The following KATNIP variants were observed in gnomAD, a reference collection of about 807,000 sequenced individuals.
KATNIP encodes katanin-interacting protein.
In KATNIP, 126 loss-of-function variants were observed where a neutral mutation model predicts 174.0. The ratio of observed to expected loss-of-function variants is 0.72; its 90% CI spans 0.63 to 0.84. KATNIP has a LOEUF of 0.84. Ranked by LOEUF, KATNIP falls within the 40% of genes least tolerant of loss-of-function variation. The pLI, the probability that KATNIP is intolerant of heterozygous loss-of-function variation, is 0.00. For missense variants in KATNIP, 1,958 were observed against 2,109.7 expected, an observed-to-expected ratio of 0.93 and a Z score of 1.41; for synonymous variants, 810 against 835.7, an observed-to-expected ratio of 0.97 and a Z score of 0.53.
chr16:27,769,804 C>T, intron 20 of KATNIP, 57 bp from the exon 21 acceptor site: 1 of 1,594,936 alleles, frequency 6.3e-7, no homozygotes, highest in Non-Finnish European at 8.6e-7. Context: ...GTCAGCACCG[C>T]TTCTGTCCCC....
At chr16:27,590,325 T>C (rs2141854162) in intron 2 of KATNIP, among the ~76,000 whole-genome samples, 1 of 151,888 alleles carries the variant, frequency 6.6e-6, no homozygotes, top group South Asian at 2.1e-4. Context: ...CTATTTTCTT[T>C]TTCTTTCTTT....
chr16:27,666,304 C>A (rs920085093), intron 6 of KATNIP, among the ~76,000 whole-genome samples: 7 of 152,186 alleles, frequency 4.6e-5, no homozygotes, highest in African/African-American at 1.7e-4. Context: ...TGTCAGAAAA[C>A]TAAAGATATT....
chr16:27,741,060 T>C (rs1324258641), intron 15 of KATNIP, 140 bp downstream of exon 15: 3 of 865,384 alleles, frequency 3.5e-6, no homozygotes, highest in East Asian at 5.3e-5. Flanking sequence ...ACAAAATCAC[T>C]GTCTCAGGGG....
At chr16:27,737,478 G>A (rs1030791326) in intron 14 of KATNIP, among the ~76,000 whole-genome samples, 1 of 152,190 alleles carries the variant, frequency 6.6e-6, no homozygotes, top group Non-Finnish European at 1.5e-5. Context: ...TTGGGGCTTG[G>A]TGGAGAGGTC....
intron 5 of KATNIP, among the ~76,000 whole-genome samples, chr16:27,639,505 C>T (rs753995648): frequency 2.0e-5 from 3 of 152,182 alleles, no homozygotes; most frequent in East Asian, 1.9e-4. Flanking sequence ...TGAACGTCAT[C>T]GGCTCTTAGC....
Position 27,717,133 on chromosome 16 carries a change from C to T in KATNIP, c.1606-4425C>T, listed in dbSNP as rs183944748. Among the ~76,000 whole-genome samples, 646 of 152,258 alleles carry T rather than the reference C, an allele frequency of 4.2e-3. 13 individuals carry two copies. Among genetic ancestry groups the T allele is most frequent in the Admixed American group, 0.039 (595 of 15,292 alleles). ...CTGGGATTACAGGTGTGAGCCACTG[C>T]GCCCAGCCAATTTATGTAGCATTTA... On this transcript the variant is annotated intron_variant, in intron 13 of 27. Transcript: ENST00000261588.
chr16:27,677,215 A>G (rs1244197337), intron 6 of KATNIP, among the ~76,000 whole-genome samples: 2 of 152,206 alleles, frequency 1.3e-5, no homozygotes, highest in Non-Finnish European at 2.9e-5. Context: ...GTCAGCCCCT[A>G]ACAACTACCT....
At chr16:27,558,231 T>C (rs1424978693) in intron 1 of KATNIP, among the ~76,000 whole-genome samples, 1 of 152,178 alleles carries the variant, frequency 6.6e-6, no homozygotes, top group African/African-American at 2.4e-5. Flanking sequence ...CTACAGCCTC[T>C]GCCTCCTGGG....
chr16:27,555,722 G>A (rs1357230862), intron 1 of KATNIP, among the ~76,000 whole-genome samples: 1 of 152,114 alleles, frequency 6.6e-6, no homozygotes, highest in East Asian at 1.9e-4. Context: ...TGTAATCCCA[G>A]CCACTTGGGG....
At chr16:27,711,920 T>C (rs988113162) in intron 13 of KATNIP, among the ~76,000 whole-genome samples, 1 of 152,136 alleles carries the variant, frequency 6.6e-6, no homozygotes, top group Non-Finnish European at 1.5e-5. Flanking sequence ...ATCCCTGCTT[T>C]GCCTCCAGAT....
intron 2 of KATNIP, among the ~76,000 whole-genome samples, chr16:27,605,859 G>A (rs1331297330): frequency 1.3e-5 from 2 of 152,268 alleles, no homozygotes; most frequent in South Asian, 4.1e-4. Flanking sequence ...GTCAGGTGCG[G>A]TGGCTCAGGC....
intron 2 of KATNIP, among the ~76,000 whole-genome samples, chr16:27,588,377 CA>C (rs1249466772): frequency 6.6e-6 from 1 of 151,956 alleles, no homozygotes; most frequent in East Asian, 1.9e-4. Flanking sequence ...ATCAGTTATT[CA>C]CATCAAATGT....
At chr16:27,652,592 C>T (rs1257397005) in intron 6 of KATNIP, among the ~76,000 whole-genome samples, 4 of 151,976 alleles carry the variant, frequency 2.6e-5, no homozygotes, top group Admixed American at 6.6e-5. Flanking sequence ...GGTGAAGGGT[C>T]GCTTAAGATC....
intron 8 of KATNIP, among the ~76,000 whole-genome samples, chr16:27,694,791 C>CAATA (rs57439444): frequency 0.33 from 48,492 of 148,632 alleles, 9,198 homozygotes; most frequent in East Asian, 0.63. Flanking sequence ...GACCCTACCA[C>CAATA]AATAAATAAA....
At chr16:27,674,211 G>A (rs1202446014) in intron 6 of KATNIP, among the ~76,000 whole-genome samples, 1 of 152,204 alleles carries the variant, frequency 6.6e-6, no homozygotes, top group Non-Finnish European at 1.5e-5. Context: ...AAAAGAGACA[G>A]CTGTATTCGT....
At chr16:27,673,186 T>C (rs1235414075) in intron 6 of KATNIP, among the ~76,000 whole-genome samples, 1 of 152,224 alleles carries the variant, frequency 6.6e-6, no homozygotes, top group African/African-American at 2.4e-5. Flanking sequence ...ATTCATGTTA[T>C]CCCAGGGTTT....
chr16:27,629,545 G>T (rs201538663), intron 4 of KATNIP, among the ~76,000 whole-genome samples: 1 of 152,104 alleles, frequency 6.6e-6, no homozygotes, highest in Non-Finnish European at 1.5e-5. Flanking sequence ...TGGATTTCAC[G>T]TGCCCTATAA....
chr16:27,735,872 A>AT (rs1336621797), intron 14 of KATNIP, among the ~76,000 whole-genome samples: 64 of 152,206 alleles, frequency 4.2e-4, no homozygotes, highest in Non-Finnish European at 5.9e-5. Context: ...GCAACACGGG[A>AT]AATAAACGAT....
intron 8 of KATNIP, among the ~76,000 whole-genome samples, chr16:27,694,624 C>T (rs368944012): frequency 2.0e-5 from 3 of 151,832 alleles, no homozygotes; most frequent in East Asian, 1.9e-4. Flanking sequence ...GGTGAAACCC[C>T]GTCTCTACAA....
Sources: allele counts gnomAD v4.1 joint callset (sites outside exome capture counted in the v4.1 genomes callset), GRCh38; gene constraint gnomAD v4.1.1; transcripts MANE v1.5; gene names NCBI Gene and HGNC (gene_info 2026-07-23, HGNC 2026-07-21).